The following CRB1 variants were observed in gnomAD, a reference collection of about 807,000 sequenced individuals.
The protein encoded by CRB1 is protein crumbs homolog 1.
In CRB1, 83 loss-of-function variants were observed where a neutral mutation model predicts 120.0. The ratio of observed to expected loss-of-function variants is 0.69; its 90% CI spans 0.58 to 0.83. The LOEUF (loss-of-function observed/expected upper bound fraction) is 0.83, where lower values mean the gene tolerates loss of function less well. CRB1 is among the 40% of genes least tolerant of loss of function. CRB1 has a pLI of 0.00. For missense variants in CRB1, 1,699 were observed against 1,687.6 expected, an observed-to-expected ratio of 1.01 and a Z score of -0.12; for synonymous variants, 625 against 612.5, an observed-to-expected ratio of 1.02 and a Z score of -0.30.
intron 5 of CRB1, among the ~76,000 whole-genome samples, chr1:197,373,485 G>A (rs553511117): frequency 1.1e-4 from 16 of 152,080 alleles, no homozygotes; most frequent in Admixed American, 8.5e-4. Flanking sequence ...TTCATAAATG[G>A]TCAAGGCATA....
chr1:197,368,683 G>T (rs1378983047), intron 5 of CRB1, among the ~76,000 whole-genome samples: 1 of 152,180 alleles, frequency 6.6e-6, no homozygotes, highest in Non-Finnish European at 1.5e-5. Context: ...CAAGGGCCTT[G>T]GCTGCTGTCT....
chr1:197,374,344 C>A (rs933926437), intron 5 of CRB1, among the ~76,000 whole-genome samples: 1 of 152,050 alleles, frequency 6.6e-6, no homozygotes, highest in East Asian at 1.9e-4. Context: ...AAGGCTTGGT[C>A]CTTTCTAAGG....
At chr1:197,408,005 A>T (rs1663503990) in intron 5 of CRB1, among the ~76,000 whole-genome samples, 1 of 152,196 alleles carries the variant, frequency 6.6e-6, no homozygotes, top group African/African-American at 2.4e-5. Flanking sequence ...TTTCATCAAG[A>T]TATATACTTT....
chr1:197,449,657 C>T (rs982412898), intron 11 of CRB1, among the ~76,000 whole-genome samples: 1 of 152,238 alleles, frequency 6.6e-6, no homozygotes, highest in Non-Finnish European at 1.5e-5. Context: ...TGAGCCACCA[C>T]GCCTGGCCCA....
At chr1:197,274,826 C>G (rs1655114885) in intron 1 of CRB1, among the ~76,000 whole-genome samples, 1 of 152,148 alleles carries the variant, frequency 6.6e-6, no homozygotes, top group Admixed American at 6.6e-5. Flanking sequence ...TGCTTAAACA[C>G]TCACCTACTG....
intron 5 of CRB1, among the ~76,000 whole-genome samples, chr1:197,399,102 A>T (rs1558108137): frequency 6.6e-6 from 1 of 152,048 alleles, no homozygotes. Flanking sequence ...CCTCCATGAA[A>T]TGATTCAGAT....
intron 2 of CRB1, among the ~76,000 whole-genome samples, chr1:197,341,908 T>A (rs78751992): frequency 2.2e-4 from 34 of 152,302 alleles, no homozygotes; most frequent in African/African-American, 7.9e-4. Flanking sequence ...ACTTCAGTTT[T>A]AAAAGGATGG....
rs115490361 is a variant in CRB1, at chr1:197,327,257, T to C, written c.71-1165T>C. Among the ~76,000 whole-genome samples, 12 of 152,260 alleles carry C rather than the reference T, an allele frequency of 7.9e-5. No individual in the cohort carries two copies. The East Asian group carries it at 2.3e-3, about 29-fold the overall frequency. ...TAAATAGAAAAGTCAATGAAAAGAT[T>C]GATAATAAAAACCACTGAATACAAC... On this transcript the variant is annotated intron_variant, in intron 1 of 11. Transcript: ENST00000367400.
the CRB1 span, among the ~76,000 whole-genome samples, chr1:197,229,456 A>G: frequency 6.6e-6 from 1 of 152,162 alleles, no homozygotes; most frequent in East Asian, 1.9e-4. Flanking sequence ...TTATTTATTA[A>G]TACAATTTCA....
intron 5 of CRB1, among the ~76,000 whole-genome samples, chr1:197,370,587 A>C (rs561887201): frequency 2.6e-5 from 4 of 152,344 alleles, no homozygotes; most frequent in Admixed American, 6.5e-5. Flanking sequence ...CAATGAAATC[A>C]AGAAGGAAAT....
At chr1:197,329,404 C>T (rs1461609813) in intron 2 of CRB1, among the ~76,000 whole-genome samples, 1 of 152,150 alleles carries the variant, frequency 6.6e-6, no homozygotes, top group Non-Finnish European at 1.5e-5. Flanking sequence ...TGATGGGTTT[C>T]TAGTGCTGAC....
At chr1:197,413,727 A>G (rs1026129578) in intron 5 of CRB1, 1 of 253,864 alleles carries the variant, frequency 3.9e-6, no homozygotes, top group Middle Eastern at 4.6e-4. Context: ...TCTAAGAATA[A>G]CAAATCTGCC....
At chr1:197,452,298 G>A (rs1005866974) in intron 11 of CRB1, among the ~76,000 whole-genome samples, 2 of 152,152 alleles carry the variant, frequency 1.3e-5, no homozygotes, top group Admixed American at 6.5e-5. Flanking sequence ...CCCTGCATAC[G>A]TGACCTATTT....
intron 10 of CRB1, 190 bp downstream of exon 10, chr1:197,438,865 T>G: frequency 3.5e-6 from 2 of 574,332 alleles, no homozygotes; most frequent in East Asian, 6.7e-5. Context: ...GGGAGAACAT[T>G]TTATTAGACA....
intron 1 of CRB1, among the ~76,000 whole-genome samples, chr1:197,279,295 A>G (rs1411882323): frequency 6.6e-6 from 1 of 151,864 alleles, no homozygotes; most frequent in Admixed American, 6.6e-5. Context: ...TGAAAATTAC[A>G]TCAAACACAA....
chr1:197,426,621 A>G (rs1664593864), intron 6 of CRB1, among the ~76,000 whole-genome samples: 1 of 152,158 alleles, frequency 6.6e-6, no homozygotes, highest in South Asian at 2.1e-4. Flanking sequence ...ATTGCCACAG[A>G]TGAGCATCAC....
chr1:197,314,121 T>C (rs1332650969), intron 1 of CRB1, among the ~76,000 whole-genome samples: 1 of 152,198 alleles, frequency 6.6e-6, no homozygotes, highest in Non-Finnish European at 1.5e-5. Context: ...TCCTCCCTGT[T>C]CTTTTTCTCC....
At chr1:197,240,820 T>A in the CRB1 span, among the ~76,000 whole-genome samples, 1 of 152,172 alleles carries the variant, frequency 6.6e-6, no homozygotes, top group Non-Finnish European at 1.5e-5. Flanking sequence ...AACTAATTTA[T>A]ATTCCCACCA....
At chr1:197,242,056 C>T in the CRB1 span, among the ~76,000 whole-genome samples, 1 of 152,116 alleles carries the variant, frequency 6.6e-6, no homozygotes, top group East Asian at 1.9e-4. Flanking sequence ...TGAGACTTTG[C>T]TGAAGTTGCT....
Sources: gnomAD v4.1 joint callset for allele counts (sites outside exome capture counted in the v4.1 genomes callset) on GRCh38, gnomAD v4.1.1 for gene constraint, MANE v1.5 for transcripts, NCBI Gene and HGNC (gene_info 2026-07-23, HGNC 2026-07-21) for gene names.